PRG3: variants seen among roughly 807,000 people sequenced by gnomAD.
PRG3 encodes the protein proteoglycan 3, pro eosinophil major basic protein 2, also known as proteoglycan 3.
In PRG3, 25 loss-of-function variants were observed where a neutral mutation model predicts 26.1. The ratio of observed to expected loss-of-function variants is 0.96; its 90% CI spans 0.70 to 1.34. PRG3 has a LOEUF of 1.34. Ranked by LOEUF, PRG3 falls within the 40% of genes most tolerant of loss-of-function variation. The pLI, the probability that PRG3 is intolerant of heterozygous loss-of-function variation, is 0.00. For synonymous variants in PRG3, 111 were observed against 100.4 expected (o/e 1.11, Z -0.63); for missense variants, 280 against 264.8 (o/e 1.06, Z -0.40).
intron 2 of PRG3, 61 bp downstream of exon 2, chr11:57,380,586 AG>A: frequency 7.2e-7 from 1 of 1,397,336 alleles, no homozygotes; most frequent in Non-Finnish European, 9.7e-7. Flanking sequence ...AAGCGGGGGG[AG>A]GGGAGTGTAG....
At chr11:57,377,120 ACTATTG>A (rs754428452) in intron 5 of PRG3, among the ~76,000 whole-genome samples, 113 of 152,268 alleles carry the variant, frequency 7.4e-4, no homozygotes, top group Non-Finnish European at 1.4e-3. Context: ...ACTTAGGTGG[ACTATTG>A]CATTTAATCC....
At chr11:57,380,260 C>T (rs1856985491) in intron 2 of PRG3, among the ~76,000 whole-genome samples, 1 of 151,894 alleles carries the variant, frequency 6.6e-6, no homozygotes, top group Non-Finnish European at 1.5e-5. Context: ...ATTAGCCAGG[C>T]GTGGTGGCAT....
In PRG3 at chr11:57,376,785, G is replaced by A; in HGVS notation, c.*65C>T. 3 of 1,533,680 alleles carry A rather than the reference G, an allele frequency of 2.0e-6. No individual in the cohort carries two copies. Among genetic ancestry groups the A allele is most frequent in the Non-Finnish European group, 2.7e-6 (3 of 1,110,244 alleles). On this transcript the variant is annotated 3_prime_UTR_variant, in exon 6 of 6. Transcript: ENST00000287143. ...GTCAGGAAATGCTGTGGGAAGTCTG[G>A]ATTTATGAGCAGGAGAGGTTGGGGG...
rs569270777 is a variant in PRG3, at chr11:57,378,873, G to A, written c.376-61C>T. ...TTTATTTCAAGTTTCTGAGTCTCCA[G>A]GCAAGAGCCCGGCATCCCTTTTCAG... On this transcript the variant is annotated intron_variant, in intron 3 of 5. Transcript: ENST00000287143. The A allele has an allele frequency of 2.3e-5, 37 of 1,598,962 alleles. 1 individual carries two copies. The East Asian group carries it at 8.3e-4, about 36-fold the overall frequency.
chr11:57,379,314 G>T (rs1856974531), intron 3 of PRG3, among the ~76,000 whole-genome samples, 180 bp downstream of exon 3: 1 of 152,146 alleles, frequency 6.6e-6, no homozygotes. Context: ...CTTCACCTCA[G>T]CCCTCCTAAA....
At position 57,378,775 on chromosome 11, in the gene PRG3, G is replaced by GTTGA; in HGVS notation, c.412_413insTCAA (p.Ser138PhefsTer5). On this transcript the variant is annotated frameshift_variant, in exon 4 of 6. Transcript: ENST00000287143. LOFTEE classifies it high-confidence loss of function. ...ATAGTTGAAGTTGAAGTCATGGATA[G>GTTGA]AGACAAGGTTGCCTCCGTAGCATCT... 1 of 1,613,814 alleles carries GTTGA rather than the reference G, an allele frequency of 6.2e-7. No individual in the cohort carries two copies. The highest frequency in any genetic ancestry group is 1.7e-5 in the Admixed American group (1 of 60,034).
chr11:57,380,605 GA>G (rs1402864845), intron 2 of PRG3, 42 bp downstream of exon 2: 8 of 1,497,100 alleles, frequency 5.3e-6, no homozygotes, highest in Admixed American at 4.4e-5. Context: ...TAGGAAAAAG[GA>G]AAAAAGGGAA....
chr11:57,378,896 C>T (rs1856971507), intron 3 of PRG3, 84 bp from the exon 4 acceptor site: 5 of 1,555,036 alleles, frequency 3.2e-6, no homozygotes, highest in South Asian at 1.2e-5. Flanking sequence ...CATCCCTTTT[C>T]AGGTTAAAAA....
Position 57,378,683 on chromosome 11 carries a change from A to G in PRG3, c.505T>C (p.Trp169Arg), listed in dbSNP as rs1471415711. Residue 169 changes from tryptophan (W) to arginine (R), a missense_variant and splice_region_variant, in exon 4 of 6, where the codon TGG (tryptophan) becomes CGG (arginine). Transcript: ENST00000287143. ...QVWIGGNLRG[W>R]FLWKRFCWTD... ...CCAAGATTTGGCCCCTGACTTACCCAGCCCCTGAGGTTGCCTCCAATCCAG... is the reference window on the plus strand; with the variant it reads ...CCAAGATTTGGCCCCTGACTTACCCGGCCCCTGAGGTTGCCTCCAATCCAG... 1.2e-6 allele frequency: 2 copies of G among 1,613,234 alleles called. No homozygotes were observed. The highest frequency in any genetic ancestry group is 1.7e-6 in the Non-Finnish European group (2 of 1,179,496).
chr11:57,378,378 T>C (rs1856963904), intron 4 of PRG3, among the ~76,000 whole-genome samples: 1 of 152,182 alleles, frequency 6.6e-6, no homozygotes, highest in Non-Finnish European at 1.5e-5. Context: ...ATACCAGCTC[T>C]TGGGGTGGGT....
chr11:57,377,218 C>T (rs1017594524), intron 5 of PRG3, among the ~76,000 whole-genome samples: 5 of 152,188 alleles, frequency 3.3e-5, no homozygotes, highest in Non-Finnish European at 7.3e-5. Context: ...AGATAAACAA[C>T]GTGCCTGTAT....
At chr11:57,379,079 C>T (rs771206128) in intron 3 of PRG3, among the ~76,000 whole-genome samples, 3 of 152,172 alleles carry the variant, frequency 2.0e-5, no homozygotes, top group Non-Finnish European at 4.4e-5. Context: ...TAATGCTCAC[C>T]ACAACTCTAA....
Position 57,376,923 on chromosome 11 carries a change from C to T in PRG3, c.620-15G>A. Reference sequence around the variant, plus strand: ...CCAATAACCTCCTAGCAGCACAGAGCACAGTGAAGTCCACCGCCCTGCGGG... The same window carrying T: ...CCAATAACCTCCTAGCAGCACAGAGTACAGTGAAGTCCACCGCCCTGCGGG... On this transcript the variant is annotated splice_polypyrimidine_tract_variant and intron_variant, in intron 5 of 5. Coordinates refer to ENST00000287143, the MANE Select transcript of PRG3 (RefSeq NM_006093.4). 1.9e-6 allele frequency: 3 copies of T among 1,611,902 alleles called. No homozygotes were observed. The highest frequency in any genetic ancestry group is 2.5e-6 in the Non-Finnish European group (3 of 1,179,692).
In PRG3 at chr11:57,376,839, G is replaced by T; in HGVS notation, c.*11C>A. On this transcript the variant is annotated 3_prime_UTR_variant, in exon 6 of 6. Transcript: ENST00000287143. The stretch of plus-strand genomic sequence containing the variant: ...GGAGGGAGCTGCTGGCAGGGTCTCC[G>T]TGCCGCTGGCTTAGAAGGAGCAGAC... The T allele has an allele frequency of 6.2e-7, 1 of 1,612,426 alleles. No individual in the cohort carries two copies. The highest frequency in any genetic ancestry group is 8.5e-7 in the Non-Finnish European group (1 of 1,179,832).
Position 57,378,687 on chromosome 11 carries a change from CCT to C in PRG3, c.499_500del (p.Arg167GlyfsTer12). On this transcript the variant is annotated frameshift_variant, in exon 4 of 6. Coordinates refer to ENST00000287143, the MANE Select transcript of PRG3 (RefSeq NM_006093.4). LOFTEE classifies it high-confidence loss of function. ...GATTTGGCCCCTGACTTACCCAGCC[CCT>C]GAGGTTGCCTCCAATCCAGACCTGG... ...QAQVWIGGNL[R>X]GWFLWKRFCW... is the part of the protein sequence containing the mutation. 6.2e-7 allele frequency: 1 copy of C among 1,613,474 alleles called. No homozygotes were observed. Among genetic ancestry groups the C allele is most frequent in the Non-Finnish European group, 8.5e-7 (1 of 1,179,680 alleles).
At position 57,380,629 on chromosome 11, in the gene PRG3, A is replaced by T. The variant is rs1210780986; in HGVS notation, c.61+19T>A. On this transcript the variant is annotated intron_variant, in intron 2 of 5. Coordinates refer to ENST00000287143, the MANE Select transcript of PRG3 (RefSeq NM_006093.4). ...GGAAAAAAGGGAAAGACGCATGAGG[A>T]GGGAAGGGAGAGACTTACCCAGATG... is the stretch of plus-strand genomic sequence containing the variant. 6.4e-7 allele frequency: 1 copy of T among 1,556,902 alleles called. No individual in the cohort carries two copies.
chr11:57,379,023 T>A (rs981576306), intron 3 of PRG3, among the ~76,000 whole-genome samples: 6 of 152,252 alleles, frequency 3.9e-5, no homozygotes, highest in Non-Finnish European at 4.4e-5. Flanking sequence ...GAGAGTTTAT[T>A]ACAGCCCAGT....
At chr11:57,377,640 AG>A in intron 5 of PRG3, 84 bp downstream of exon 5, 1 of 1,105,334 alleles carries the variant, frequency 9.0e-7, no homozygotes, top group Non-Finnish European at 1.3e-6. Flanking sequence ...GAGTTTGGGG[AG>A]GTGTGTTCAG....
Position 57,380,648 on chromosome 11 carries a change from C to G in PRG3, c.61G>C (p.Glu21Gln). 6.4e-7 allele frequency: 1 copy of G among 1,572,394 alleles called. No homozygotes were observed. Among genetic ancestry groups the G allele is most frequent in the Non-Finnish European group, 8.6e-7 (1 of 1,162,914 alleles). ...ATGAGGAGGGAAGGGAGAGACTTAC[C>G]CAGATGAAGAGCAGAAACTGTTCCC... ...LLGTVSALHL[E>Q]NDAPHLESLE... Residue 21 changes from glutamate to glutamine, a missense_variant and splice_region_variant, in exon 2 of 6, where the codon GAG (glutamate) becomes CAG (glutamine). Glu to Gln is a conservative substitution (Grantham distance 29). Transcript: ENST00000287143.
Sources: allele counts gnomAD v4.1 joint callset (sites outside exome capture counted in the v4.1 genomes callset), GRCh38; gene constraint gnomAD v4.1.1; transcripts MANE v1.5; gene names NCBI Gene and HGNC (gene_info 2026-07-23, HGNC 2026-07-21).